The following PPP2R5A variants were observed in gnomAD, a reference collection of about 807,000 sequenced individuals.
PPP2R5A encodes the protein serine/threonine-protein phosphatase 2A 56 kDa regulatory subunit alpha isoform.
Under a neutral mutation model 64.2 loss-of-function variants are expected in PPP2R5A, and 25 were observed. The observed-to-expected ratio is 0.39, with a 90% confidence interval of 0.28 to 0.54. PPP2R5A has a LOEUF of 0.54. Ranked by LOEUF, PPP2R5A falls within the 20% of genes least tolerant of loss-of-function variation. PPP2R5A has a pLI of 0.67. For synonymous variants in PPP2R5A, 198 were observed against 201.2 expected (o/e 0.98, Z 0.13); for missense variants, 425 against 576.3 (o/e 0.74, Z 2.69).
At chr1:212,321,897 C>T (rs1198207232) in intron 1 of PPP2R5A, among the ~76,000 whole-genome samples, 1 of 151,376 alleles carries the variant, frequency 6.6e-6, no homozygotes, top group East Asian at 2.0e-4. Context: ...GCCTGGGCAC[C>T]ATTGAGCACT....
chr1:212,322,236 GA>G, intron 1 of PPP2R5A, among the ~76,000 whole-genome samples: 1 of 136,442 alleles, frequency 7.3e-6, no homozygotes, highest in African/African-American at 2.9e-5. Context: ...GGGAGAGGGA[GA>G]GGGAGAGGAG....
At chr1:212,341,565 T>C (rs1197195835) in intron 3 of PPP2R5A, among the ~76,000 whole-genome samples, 1 of 152,156 alleles carries the variant, frequency 6.6e-6, no homozygotes, top group African/African-American at 2.4e-5. Context: ...GATTACAAAA[T>C]AGGAATATAT....
chr1:212,340,697 T>C (rs1414173403), intron 3 of PPP2R5A, among the ~76,000 whole-genome samples: 1 of 152,220 alleles, frequency 6.6e-6, no homozygotes, highest in Non-Finnish European at 1.5e-5. Context: ...TAGGTAACAT[T>C]AGACCAGATA....
Position 212,329,320 on chromosome 1 carries a change from A to G in PPP2R5A, c.367A>G (p.Ile123Val). Residue 123 changes from isoleucine (I) to valine (V), a missense_variant, in exon 2 of 13, where the codon ATA (isoleucine) becomes GTA (valine). Physicochemically the swap from Ile to Val is conservative, Grantham distance 29. Coordinates refer to ENST00000261461, the MANE Select transcript of PPP2R5A (RefSeq NM_006243.4). ...GVIVESAYSD[I>V]VKMISANIFR... ...AATTGTTGAATCAGCGTATTCTGATATAGTAAAAATGGTAAGCCTCTAGAA... is the reference window on the plus strand; with the variant it reads ...AATTGTTGAATCAGCGTATTCTGATGTAGTAAAAATGGTAAGCCTCTAGAA... The G allele has an allele frequency of 7.5e-6, 12 of 1,592,836 alleles. No individual in the cohort carries two copies. Among genetic ancestry groups the G allele is most frequent in the African/African-American group, 2.7e-5 (2 of 74,104 alleles).
chr1:212,356,231 A>G (rs1474286783), intron 8 of PPP2R5A, among the ~76,000 whole-genome samples: 2 of 152,042 alleles, frequency 1.3e-5, no homozygotes, highest in East Asian at 3.8e-4. Flanking sequence ...TCCCTAAAAT[A>G]ACCTCCCTCT....
At chr1:212,320,556 C>A (rs1014850259) in intron 1 of PPP2R5A, among the ~76,000 whole-genome samples, 3 of 148,614 alleles carry the variant, frequency 2.0e-5, no homozygotes, top group Non-Finnish European at 4.5e-5. Context: ...CCAGACGGGG[C>A]GGCTGTCCGG....
At chr1:212,350,987 A>AT (rs1659865665) in intron 8 of PPP2R5A, among the ~76,000 whole-genome samples, 1 of 149,958 alleles carries the variant, frequency 6.7e-6, no homozygotes, top group Non-Finnish European at 1.5e-5. Flanking sequence ...AAAAAAAAAA[A>AT]AAAAAAATTA....
intron 1 of PPP2R5A, among the ~76,000 whole-genome samples, chr1:212,308,041 G>C (rs943834950): frequency 1.3e-5 from 2 of 152,068 alleles, no homozygotes; most frequent in African/African-American, 4.8e-5. Flanking sequence ...TGTAGAGACA[G>C]GTTCTCAACT....
intron 1 of PPP2R5A, among the ~76,000 whole-genome samples, chr1:212,326,728 A>G (rs988759462): frequency 1.3e-5 from 2 of 152,364 alleles, no homozygotes; most frequent in Admixed American, 6.5e-5. Context: ...GCAGAGAGTC[A>G]TTATTGATTC....
chr1:212,316,750 T>C (rs1349274615), intron 1 of PPP2R5A, among the ~76,000 whole-genome samples: 1 of 152,122 alleles, frequency 6.6e-6, no homozygotes, highest in Non-Finnish European at 1.5e-5. Flanking sequence ...TTATTTTCCA[T>C]TAATATGTAT....
intron 1 of PPP2R5A, among the ~76,000 whole-genome samples, chr1:212,307,538 TAGCAAATAC>T (rs1302402495): frequency 6.6e-6 from 1 of 152,236 alleles, no homozygotes; most frequent in Non-Finnish European, 1.5e-5. Context: ...GTGCTGTTAT[TAGCAAATAC>T]ATTACATTTC....
In PPP2R5A at chr1:212,286,066, C is replaced by T; in HGVS notation, c.-45C>T. ...CCTGCCGTCTCCGCCGCTGCCCGTGCCTTGCAAGCAGCAGCCGGAGCTGCC... is the reference window on the plus strand; with the variant it reads ...CCTGCCGTCTCCGCCGCTGCCCGTGTCTTGCAAGCAGCAGCCGGAGCTGCC... On this transcript the variant is annotated 5_prime_UTR_variant, in exon 1 of 13. Coordinates refer to ENST00000261461, the MANE Select transcript of PPP2R5A (RefSeq NM_006243.4). The T allele has an allele frequency of 6.7e-7, 1 of 1,489,136 alleles. No individual in the cohort carries two copies. Among genetic ancestry groups the T allele is most frequent in the Non-Finnish European group, 8.9e-7 (1 of 1,122,926 alleles). 92.2% of individuals were successfully genotyped at this position (1,489,136 alleles called of 1,614,324 possible). A position where few individuals can be genotyped will look rare whatever the true frequency, so the allele number is the denominator to read the frequency against.
chr1:212,354,111 G>A (rs1282520368), intron 8 of PPP2R5A, among the ~76,000 whole-genome samples: 5 of 152,178 alleles, frequency 3.3e-5, no homozygotes, highest in African/African-American at 1.2e-4. Flanking sequence ...ATGAACCCGG[G>A]AGGCAGAGGT....
chr1:212,286,680 C>A (rs1365235648), intron 1 of PPP2R5A, among the ~76,000 whole-genome samples: 1 of 152,188 alleles, frequency 6.6e-6, no homozygotes, highest in African/African-American at 2.4e-5. Context: ...CCTTCACTTT[C>A]CCGAGTGTCA....
chr1:212,297,093 C>CCTCTTTTTTTTTTTTTTTTTTTTTTTTTT (rs1558138694), intron 1 of PPP2R5A, among the ~76,000 whole-genome samples: 1 of 81,914 alleles, frequency 1.2e-5, no homozygotes, highest in African/African-American at 5.0e-5. Flanking sequence ...TTCTTTGCTT[C>CCTCTTTTTTTTTTTTTTTTTTTTTTTTTT]TTCTTTTTTT....
chr1:212,327,559 C>T (rs1046332308), intron 1 of PPP2R5A, among the ~76,000 whole-genome samples: 1 of 152,002 alleles, frequency 6.6e-6, no homozygotes, highest in African/African-American at 2.4e-5. Context: ...GGATTACAGG[C>T]GCCCGCCACC....
At chr1:212,327,757 TAGAAAG>T (rs1193315820) in intron 1 of PPP2R5A, among the ~76,000 whole-genome samples, 3 of 152,016 alleles carry the variant, frequency 2.0e-5, no homozygotes, top group South Asian at 4.1e-4. Flanking sequence ...TATTAGATAC[TAGAAAG>T]AGAAAGAGAA....
At chr1:212,354,039 C>G (rs1178134726) in intron 8 of PPP2R5A, among the ~76,000 whole-genome samples, 1 of 152,042 alleles carries the variant, frequency 6.6e-6, no homozygotes, top group African/African-American at 2.4e-5. Context: ...AAAAAATTAG[C>G]TGAGCCTGGT....
intron 8 of PPP2R5A, among the ~76,000 whole-genome samples, chr1:212,351,114 CA>C (rs906177451): frequency 2.3e-4 from 18 of 77,498 alleles, no homozygotes; most frequent in South Asian, 1.2e-3. Context: ...AAAAAAAAAA[CA>C]AAAAAACAAA....
Sources: gnomAD v4.1 joint callset for allele counts (sites outside exome capture counted in the v4.1 genomes callset) on GRCh38, gnomAD v4.1.1 for gene constraint, MANE v1.5 for transcripts, NCBI Gene and HGNC (gene_info 2026-07-23, HGNC 2026-07-21) for gene names.